DLG5: variants seen among roughly 807,000 people sequenced by gnomAD.
DLG5 encodes the protein discs large MAGUK scaffold protein 5.
A neutral mutation model predicts 189.8 loss-of-function variants in DLG5; 48 were observed. The observed-to-expected ratio is 0.25, with a 90% CI of 0.20 to 0.32. The LOEUF is 0.32. DLG5 is among the 10% of genes least tolerant of loss of function. DLG5 has a pLI of 1.00. For synonymous variants in DLG5, 1,016 were observed against 1,054.1 expected, an observed-to-expected ratio of 0.96 and a Z score of 0.70; for missense variants, 2,160 against 2,544.7, an observed-to-expected ratio of 0.85 and a Z score of 3.25.
chr10:77,876,373 C>CCTT lies in DLG5; in HGVS notation c.305-7177_305-7176insAAG, dbSNP rs1247619215. ...GGCAATATAGCAAGACCCCATCTCT[C>CCTT]TTTTTTTTTTTTTTTTTTTGAAAGA... On this transcript the variant is annotated intron_variant, in intron 1 of 31. Coordinates refer to ENST00000372391, the MANE Select transcript of DLG5 (RefSeq NM_004747.4). Among the ~76,000 whole-genome samples, 22 of 134,918 alleles carry CCTT rather than the reference C, an allele frequency of 1.6e-4. 1 individual carries two copies. The South Asian group carries it at 4.6e-3, about 28-fold the overall frequency. The allele number at this position is 134,918 out of a possible 152,430, so 88.5% of individuals were successfully genotyped here. A position where few individuals can be genotyped will look rare whatever the true frequency, so the allele number is the denominator to read the frequency against.
chr10:77,933,630 A>G, the DLG5 span, among the ~76,000 whole-genome samples: 3 of 152,026 alleles, frequency 2.0e-5, no homozygotes, highest in African/African-American at 7.2e-5. Flanking sequence ...AGGCTGAGGC[A>G]GGAGAATCGC....
chr10:77,909,279 T>G (rs1448078468), intron 1 of DLG5, among the ~76,000 whole-genome samples: 1 of 152,084 alleles, frequency 6.6e-6, no homozygotes, highest in Non-Finnish European at 1.5e-5. Context: ...TACTGCATGT[T>G]CTCACTCCTA....
intron 29 of DLG5, 105 bp from the exon 30 acceptor site, chr10:77,795,063 A>C (rs1466936631): frequency 3.6e-6 from 3 of 822,012 alleles, no homozygotes; most frequent in African/African-American, 1.7e-5. Context: ...CTCTACCCAC[A>C]AACAAGGCAG....
chr10:77,904,190 C>T (rs1291320321), intron 1 of DLG5, among the ~76,000 whole-genome samples: 1 of 152,184 alleles, frequency 6.6e-6, no homozygotes, highest in Non-Finnish European at 1.5e-5. Context: ...AAACCCCCAT[C>T]TCAACAAAAG....
intron 1 of DLG5, among the ~76,000 whole-genome samples, chr10:77,917,953 G>A (rs1297611704): frequency 6.6e-6 from 1 of 151,774 alleles, no homozygotes; most frequent in Non-Finnish European, 1.5e-5. Context: ...AGGAGGCGGA[G>A]GTTGTGGTGA....
intron 23 of DLG5, 103 bp downstream of exon 23, chr10:77,810,991 G>T: frequency 6.9e-7 from 1 of 1,441,930 alleles, no homozygotes; most frequent in Non-Finnish European, 9.3e-7. Flanking sequence ...GCGGCCTGCA[G>T]CACATGAGGC....
chr10:77,925,753 T>C (rs1846666815), intron 1 of DLG5, among the ~76,000 whole-genome samples: 1 of 151,486 alleles, frequency 6.6e-6, no homozygotes, highest in South Asian at 2.1e-4. Flanking sequence ...AGCCAGAAAA[T>C]GAAAAAGCAG....
Position 77,821,994 on chromosome 10 carries a change from A to G in DLG5, c.2490T>C (p.His830=), listed in dbSNP as rs1290681127. The G allele has an allele frequency of 6.8e-6, 11 of 1,614,108 alleles. No individual in the cohort carries two copies. The highest frequency in any genetic ancestry group is 9.3e-6 in the Non-Finnish European group (11 of 1,180,048). The change falls in exon 15 of 32, where the codon CAT becomes CAC. Residue 830 remains histidine, a synonymous_variant. Transcript: ENST00000372391. ...TGTGCTGTATCAAGTTCCGTTTGTT[A>G]TGAGCCTGGACCTCCGGGCCATGGG... ...FRAHGPEVQA[H]NKRNLIQHNN...
At chr10:77,832,264 A>G (rs1282638718) in intron 9 of DLG5, among the ~76,000 whole-genome samples, 1 of 152,222 alleles carries the variant, frequency 6.6e-6, no homozygotes, top group African/African-American at 2.4e-5. Flanking sequence ...CTAGTAATGA[A>G]GATGTGAAAG....
chr10:77,937,790 C>T, the DLG5 span, among the ~76,000 whole-genome samples: 1 of 146,900 alleles, frequency 6.8e-6, no homozygotes, highest in African/African-American at 2.5e-5. Context: ...ATGATCTTGG[C>T]TCACTGCAAC....
intron 13 of DLG5, among the ~76,000 whole-genome samples, chr10:77,824,918 G>A (rs772073201): frequency 2.1e-4 from 32 of 152,178 alleles, no homozygotes; most frequent in Admixed American, 9.8e-4. Context: ...AGTACCACGC[G>A]AAGTGGGGCC....
chr10:77,934,860 G>GTTTTTTTT, the DLG5 span, among the ~76,000 whole-genome samples: 3 of 137,360 alleles, frequency 2.2e-5, no homozygotes, highest in Non-Finnish European at 3.2e-5. Context: ...TTGTTTTTTT[G>GTTTTTTTT]TTTTTTTTTT....
chr10:77,935,384 T>C, the DLG5 span, among the ~76,000 whole-genome samples: 1 of 152,164 alleles, frequency 6.6e-6, no homozygotes, highest in Non-Finnish European at 1.5e-5. Flanking sequence ...CACCAGGCTT[T>C]GCTTTTGGAG....
chr10:77,864,499 C>G (rs893488846), intron 2 of DLG5, among the ~76,000 whole-genome samples: 1 of 152,208 alleles, frequency 6.6e-6, no homozygotes, highest in Non-Finnish European at 1.5e-5. Flanking sequence ...AAGACCCAGG[C>G]CCTGCCTGGG....
chr10:77,805,997 A>T, intron 26 of DLG5, 136 bp from the exon 27 acceptor site: 1 of 825,324 alleles, frequency 1.2e-6, no homozygotes, highest in East Asian at 2.6e-5. Context: ...TCTCAAGGCT[A>T]CATCTCCTCC....
chr10:77,817,987 G>T (rs770203000), intron 17 of DLG5, 98 bp from the exon 18 acceptor site: 5 of 1,021,868 alleles, frequency 4.9e-6, no homozygotes, highest in African/African-American at 1.6e-5. Context: ...TTCCCAAGCG[G>T]GCAGAAGGGA....
At chr10:77,850,173 C>T (rs561314393) in intron 5 of DLG5, among the ~76,000 whole-genome samples, 17 of 152,314 alleles carry the variant, frequency 1.1e-4, no homozygotes, top group African/African-American at 4.1e-4. Flanking sequence ...ATTTTTATCA[C>T]CCCAAAAAGA....
Position 77,856,649 on chromosome 10 carries a change from G to A in DLG5, c.536+81C>T, listed in dbSNP as rs575641368. On this transcript the variant is annotated intron_variant, in intron 3 of 31. Coordinates refer to ENST00000372391, the MANE Select transcript of DLG5 (RefSeq NM_004747.4). ...CAGCCTGGACCCCCAGGAGCCAGGGGTGTTTGGGGGTGACAGCACCAGCAT... is the reference window on the plus strand; with the variant it reads ...CAGCCTGGACCCCCAGGAGCCAGGGATGTTTGGGGGTGACAGCACCAGCAT... 72 of 1,548,544 alleles carry A rather than the reference G, an allele frequency of 4.6e-5. No homozygotes were observed. In the African/African-American group the frequency reaches 6.8e-4, roughly 15 times the overall value.
In DLG5 at chr10:77,835,158, C is replaced by T. The variant is rs535611716; in HGVS notation, c.1622+580G>A. Among the ~76,000 whole-genome samples, 8 of 152,214 alleles carry T rather than the reference C, an allele frequency of 5.3e-5. 1 individual carries two copies. Among genetic ancestry groups the T allele is most frequent in the African/African-American group, 1.9e-4 (8 of 41,510 alleles). On this transcript the variant is annotated intron_variant, in intron 8 of 31. Coordinates refer to ENST00000372391, the MANE Select transcript of DLG5 (RefSeq NM_004747.4). ...TGCCCTGAGCACACTCCACAGGTGC[C>T]CTCCATCTGCAATGCCCTTCCCCCT...
Sources: allele counts gnomAD v4.1 joint callset (sites outside exome capture counted in the v4.1 genomes callset), GRCh38; gene constraint gnomAD v4.1.1; transcripts MANE v1.5; gene names NCBI Gene and HGNC (gene_info 2026-07-23, HGNC 2026-07-21).